RBMS1: variants seen among roughly 807,000 people sequenced by gnomAD.
RBMS1 encodes the protein RNA binding motif single stranded interacting protein 1.
In RBMS1, 17 loss-of-function variants were observed where a neutral mutation model predicts 62.3. The observed-to-expected ratio is 0.27, with a 90% CI of 0.19 to 0.41. The LOEUF is 0.41. RBMS1 is among the 10% of genes least tolerant of loss of function. RBMS1 has a pLI of 1.00. For missense variants in RBMS1, 334 were observed against 504.5 expected (o/e 0.66, Z 3.24); for synonymous variants, 172 against 170.0 (o/e 1.01, Z -0.09).
chr2:160,475,615 C>T (rs1685091224), intron 1 of RBMS1, among the ~76,000 whole-genome samples: 1 of 152,158 alleles, frequency 6.6e-6, no homozygotes, highest in Non-Finnish European at 1.5e-5. Context: ...GTAAACATTC[C>T]TTAAATACCA....
chr2:160,397,400 C>A (rs1695204820), intron 1 of RBMS1, among the ~76,000 whole-genome samples: 1 of 152,116 alleles, frequency 6.6e-6, no homozygotes. Flanking sequence ...CCTGTAATCA[C>A]TGTCAGGAAG....
intron 13 of RBMS1, 92 bp downstream of exon 13, chr2:160,275,538 G>A (rs933038925): frequency 6.6e-6 from 10 of 1,519,718 alleles, no homozygotes; most frequent in Middle Eastern, 3.7e-4. Context: ...GATAAAATCC[G>A]AGTTATCCCA....
At position 160,470,826 on chromosome 2, in the gene RBMS1, GT is replaced by G. The variant is rs145675390; in HGVS notation, c.75+22462del. ...AGTTAAGAATATCTGTGCAATGAAT[GT>G]TATAATGTAAGAAAATGTAACAGGA... On this transcript the variant is annotated intron_variant, in intron 1 of 13. Coordinates refer to ENST00000348849, the MANE Select transcript of RBMS1 (RefSeq NM_016836.4). 8.0e-3 allele frequency among the ~76,000 whole-genome samples: 1,213 copies of G among 152,234 alleles called. 48 individuals are homozygous for G. The East Asian group carries it at 0.11, about 14-fold the overall frequency.
At chr2:160,303,022 T>A (rs921439054) in intron 5 of RBMS1, among the ~76,000 whole-genome samples, 2 of 152,192 alleles carry the variant, frequency 1.3e-5, no homozygotes, top group Admixed American at 6.5e-5. Context: ...GGAGACTGAC[T>A]GTTATTTTTA....
chr2:160,288,439 GA>G (rs1441571803), intron 6 of RBMS1, among the ~76,000 whole-genome samples: 1 of 152,214 alleles, frequency 6.6e-6, no homozygotes, highest in Admixed American at 6.5e-5. Context: ...CAAAACAAAA[GA>G]AAACAAAAAG....
chr2:160,461,586 G>A (rs921134306), intron 1 of RBMS1, among the ~76,000 whole-genome samples: 3 of 152,182 alleles, frequency 2.0e-5, no homozygotes, highest in Non-Finnish European at 2.9e-5. Flanking sequence ...GTCCAGCTTC[G>A]GGAGCGCTAT....
At chr2:160,456,829 G>A (rs1356404784) in intron 1 of RBMS1, among the ~76,000 whole-genome samples, 1 of 151,886 alleles carries the variant, frequency 6.6e-6, no homozygotes, top group Non-Finnish European at 1.5e-5. Flanking sequence ...CCCACTGCCG[G>A]CTGAATTCCA....
chr2:160,449,767 T>C (rs891966269), intron 1 of RBMS1, among the ~76,000 whole-genome samples: 2 of 152,016 alleles, frequency 1.3e-5, no homozygotes, highest in South Asian at 2.1e-4. Context: ...CCCTCCACTA[T>C]TGTCCTGTGA....
intron 1 of RBMS1, among the ~76,000 whole-genome samples, chr2:160,413,592 A>G (rs913764478): frequency 6.6e-6 from 1 of 152,256 alleles, no homozygotes; most frequent in Non-Finnish European, 1.5e-5. Context: ...TAGAAGGTAT[A>G]GAGAACAATA....
intron 2 of RBMS1, among the ~76,000 whole-genome samples, chr2:160,342,071 C>T (rs569254676): frequency 2.0e-4 from 31 of 152,262 alleles, no homozygotes; most frequent in African/African-American, 7.0e-4. Context: ...AAATATCTGA[C>T]CCTTCTCCTC....
intron 1 of RBMS1, among the ~76,000 whole-genome samples, chr2:160,440,819 A>G (rs562635481): frequency 3.8e-4 from 58 of 152,210 alleles, no homozygotes; most frequent in Non-Finnish European, 6.3e-4. Flanking sequence ...CTAGGTTTCC[A>G]TCTTGGATTA....
chr2:160,463,839 T>C (rs1029172517), intron 1 of RBMS1, among the ~76,000 whole-genome samples: 1 of 152,232 alleles, frequency 6.6e-6, no homozygotes, highest in African/African-American at 2.4e-5. Flanking sequence ...TTTAACTTTA[T>C]GTCTCCTATT....
chr2:160,281,791 C>G (rs925207865), intron 9 of RBMS1: 3 of 181,072 alleles, frequency 1.7e-5, no homozygotes, highest in African/African-American at 2.4e-5. Context: ...TAGAAGCTAA[C>G]CCTTAAAGTA....
At chr2:160,367,134 CTT>C in intron 2 of RBMS1, 80 bp downstream of exon 2, 1 of 1,346,548 alleles carries the variant, frequency 7.4e-7, no homozygotes, top group East Asian at 2.3e-5. Context: ...ATAAACTTCT[CTT>C]ATAATGCAGT....
At chr2:160,450,563 T>TAAAAAA (rs71006605) in intron 1 of RBMS1, among the ~76,000 whole-genome samples, 2 of 122,392 alleles carry the variant, frequency 1.6e-5, no homozygotes, top group Non-Finnish European at 3.3e-5. Flanking sequence ...AAATAAAAAA[T>TAAAAAA]GAAAAAAAAA....
At chr2:160,433,939 G>A (rs962062978) in intron 1 of RBMS1, among the ~76,000 whole-genome samples, 4 of 152,168 alleles carry the variant, frequency 2.6e-5, no homozygotes, top group African/African-American at 7.2e-5. Flanking sequence ...TGCAATCCTC[G>A]TTTACTTTGG....
intron 1 of RBMS1, among the ~76,000 whole-genome samples, chr2:160,457,954 T>TA (rs1684311645): frequency 3.5e-4 from 1 of 2,852 alleles, no homozygotes; most frequent in Non-Finnish European, 4.5e-3. Flanking sequence ...ATTGGTTTGT[T>TA]TGTTGTTGTT....
chr2:160,394,403 T>G (rs991811478), intron 1 of RBMS1, among the ~76,000 whole-genome samples: 2 of 152,172 alleles, frequency 1.3e-5, no homozygotes, highest in African/African-American at 4.8e-5. Flanking sequence ...TATGCAAATT[T>G]TTCTACCCAC....
At chr2:160,378,832 ATTGT>A (rs1694135461) in intron 1 of RBMS1, among the ~76,000 whole-genome samples, 1 of 152,202 alleles carries the variant, frequency 6.6e-6, no homozygotes, top group Non-Finnish European at 1.5e-5. Context: ...GATTTGTAAG[ATTGT>A]TTTATTTTGT....
Sources: allele counts gnomAD v4.1 joint callset (sites outside exome capture counted in the v4.1 genomes callset), GRCh38; gene constraint gnomAD v4.1.1; transcripts MANE v1.5; gene names NCBI Gene and HGNC (gene_info 2026-07-23, HGNC 2026-07-21).